RGCC: variants seen among roughly 807,000 people sequenced by gnomAD.
RGCC encodes the protein regulator of cell cycle.
Under a neutral mutation model 15.4 loss-of-function variants are expected in RGCC, and 15 were observed. The ratio of observed to expected loss-of-function variants is 0.97; its 90% CI spans 0.65 to 1.50. The LOEUF (loss-of-function observed/expected upper bound fraction) is 1.50, where lower values mean the gene tolerates loss of function less well. RGCC is among the 40% of genes most tolerant of loss of function. The pLI is 0.00. For missense variants in RGCC, 176 were observed against 189.7 expected, an observed-to-expected ratio of 0.93 and a Z score of 0.42; for synonymous variants, 81 against 78.0, an observed-to-expected ratio of 1.04 and a Z score of -0.20.
chr13:41,459,261 G>T (rs1190433584), intron 2 of RGCC, among the ~76,000 whole-genome samples: 1 of 152,092 alleles, frequency 6.6e-6, no homozygotes, highest in African/African-American at 2.4e-5. Context: ...AGCAAATTAG[G>T]TGCCTTTTTA....
rs1212088407 is a variant in RGCC at position 41,457,672 on chromosome 13, C to T, written c.-36C>T. 1 of 1,498,618 alleles carries T rather than the reference C, an allele frequency of 6.7e-7. No homozygotes were observed. Among genetic ancestry groups the T allele is most frequent in the Non-Finnish European group, 8.9e-7 (1 of 1,125,454 alleles). The allele number at this position is 1,498,618 out of a possible 1,614,324, so 92.8% of individuals were successfully genotyped here. A position where few individuals can be genotyped will look rare whatever the true frequency, so the allele number is the denominator to read the frequency against. On this transcript the variant is annotated 5_prime_UTR_variant, in exon 1 of 5. Transcript: ENST00000379359. The surrounding 1 kb of genome is among the most constrained non-coding windows in gnomAD (Gnocchi z 4.9). ...GCCCCGGCTGCCACCTCGCAGGACC[C>T]AAGGCCACGCGCGCCGGGCCCAGCT...
At chr13:41,469,449 A>C (rs1442850655) in intron 4 of RGCC, among the ~76,000 whole-genome samples, 3 of 152,128 alleles carry the variant, frequency 2.0e-5, no homozygotes, top group Admixed American at 6.6e-5. Context: ...TTTGTTTGAG[A>C]AATGGAGAGC....
intron 4 of RGCC, 57 bp downstream of exon 4, chr13:41,468,895 A>T: frequency 3.9e-6 from 5 of 1,279,498 alleles, no homozygotes; most frequent in Non-Finnish European, 4.5e-6. Context: ...GACACTTCTG[A>T]TAAAGTGTTG....
At position 41,468,767 on chromosome 13, in the gene RGCC, G is replaced by T. The variant is rs1003770541; in HGVS notation, c.344-9G>T. ...CTCTCTCTCTCTCTCTCCCTCTCCTGTTTCACAGCTAAATTAGGAGACACA... is the reference window on the plus strand; with the variant it reads ...CTCTCTCTCTCTCTCTCCCTCTCCTTTTTCACAGCTAAATTAGGAGACACA... On this transcript the variant is annotated splice_polypyrimidine_tract_variant and intron_variant, in intron 3 of 4. Coordinates refer to ENST00000379359, the MANE Select transcript of RGCC (RefSeq NM_014059.3). 1.9e-6 allele frequency: 3 copies of T among 1,600,724 alleles called. No homozygotes were observed. The highest frequency in any genetic ancestry group is 1.7e-6 in the Non-Finnish European group (2 of 1,174,270).
Position 41,468,757 on chromosome 13 carries a change from TCC to T in RGCC, c.344-17_344-16del, listed in dbSNP as rs2139578572. On this transcript the variant is annotated splice_polypyrimidine_tract_variant and intron_variant, in intron 3 of 4. Coordinates refer to ENST00000379359, the MANE Select transcript of RGCC (RefSeq NM_014059.3). Reference sequence around the variant, plus strand: ...ACTGAACTCTCTCTCTCTCTCTCTCTCCCTCTCCTGTTTCACAGCTAAATTAG... The same window carrying T: ...ACTGAACTCTCTCTCTCTCTCTCTCTCTCTCCTGTTTCACAGCTAAATTAG... 16 of 1,567,902 alleles carry T rather than the reference TCC, an allele frequency of 1.0e-5. No individual in the cohort carries two copies. The highest frequency in any genetic ancestry group is 1.4e-5 in the Non-Finnish European group (16 of 1,145,696).
At position 41,458,490 on chromosome 13, in the gene RGCC, G is replaced by C; in HGVS notation, c.235+20G>C. The stretch of plus-strand genomic sequence containing the variant: ...CGGAGAGTAAGTGCGGCCCCCGCTA[G>C]GATGGCGCCGGGATCTCCCAGCTCC... On this transcript the variant is annotated intron_variant, in intron 2 of 4. Transcript: ENST00000379359. The surrounding 1 kb of genome is among the most constrained non-coding windows in gnomAD (Gnocchi z 4.4). 4 of 1,581,006 alleles carry C rather than the reference G, an allele frequency of 2.5e-6. No individual in the cohort carries two copies. The highest frequency in any genetic ancestry group is 1.1e-5 in the South Asian group (1 of 87,964).
chr13:41,465,805 G>A (rs549520930), intron 2 of RGCC, among the ~76,000 whole-genome samples: 54 of 152,208 alleles, frequency 3.5e-4, no homozygotes, highest in Admixed American at 8.5e-4. Flanking sequence ...GTAAAAGAGA[G>A]GATTATTAAA....
chr13:41,467,570 A>G (rs986282602), intron 3 of RGCC, among the ~76,000 whole-genome samples: 1 of 152,238 alleles, frequency 6.6e-6, no homozygotes, highest in Non-Finnish European at 1.5e-5. Context: ...TGAAAACAAA[A>G]GGAGCTTTTT....
chr13:41,459,503 G>A lies in RGCC; in HGVS notation c.235+1033G>A, dbSNP rs113238957. On this transcript the variant is annotated intron_variant, in intron 2 of 4. Transcript: ENST00000379359. Reference sequence around the variant, plus strand: ...CTTCCTTGTTCCTGGGCTAAGATTCGGGGCTAGACATGAACATGAGCTGCC... The same window carrying A: ...CTTCCTTGTTCCTGGGCTAAGATTCAGGGCTAGACATGAACATGAGCTGCC... 4.3e-3 allele frequency among the ~76,000 whole-genome samples: 653 copies of A among 152,188 alleles called. 1 individual carries two copies. Among genetic ancestry groups the A allele is most frequent in the African/African-American group, 0.015 (604 of 41,510 alleles).
intron 2 of RGCC, among the ~76,000 whole-genome samples, chr13:41,459,363 C>A (rs1198389165): frequency 6.6e-6 from 1 of 152,214 alleles, no homozygotes; most frequent in Non-Finnish European, 1.5e-5. Context: ...TATTCTTCAG[C>A]CTTTAATCCT....
chr13:41,465,836 A>C (rs904297347), intron 2 of RGCC, among the ~76,000 whole-genome samples: 5 of 152,180 alleles, frequency 3.3e-5, no homozygotes, highest in African/African-American at 1.2e-4. Flanking sequence ...GCAAGAGAGC[A>C]AAGATCTCTC....
chr13:41,457,716 GC>G lies in RGCC; in HGVS notation c.12del (p.Ala5ArgfsTer56). 1.4e-6 allele frequency: 2 copies of G among 1,476,752 alleles called. No homozygotes were observed. The highest frequency in any genetic ancestry group is 1.8e-6 in the Non-Finnish European group (2 of 1,115,158). The allele number at this position is 1,476,752 out of a possible 1,614,324, so 91.5% of individuals were successfully genotyped here. A position where few individuals can be genotyped will look rare whatever the true frequency, so the allele number is the denominator to read the frequency against. On this transcript the variant is annotated frameshift_variant, in exon 1 of 5. Transcript: ENST00000379359. LOFTEE classifies it high-confidence loss of function. The surrounding 1 kb of genome is among the most constrained non-coding windows in gnomAD (Gnocchi z 4.9). MKP[P>X]AAQGSPAAAA... ...CCCAGCTGAGCCGCCTCATGAAGCC[GC>G]CCGCGGCGCAGGGCAGCCCCGCGGC...
chr13:41,469,794 A>G (rs534175588), intron 4 of RGCC, among the ~76,000 whole-genome samples: 2 of 152,328 alleles, frequency 1.3e-5, no homozygotes, highest in South Asian at 4.1e-4. Flanking sequence ...AACTGAAGAC[A>G]TCAAATTATA....
chr13:41,466,779 C>A, intron 2 of RGCC, 44 bp from the exon 3 acceptor site: 1 of 1,315,658 alleles, frequency 7.6e-7, no homozygotes, highest in Non-Finnish European at 1.1e-6. Context: ...AGTCTATAAT[C>A]TCATGAGTAC....
chr13:41,462,729 A>G (rs2043827972), intron 2 of RGCC, among the ~76,000 whole-genome samples: 1 of 152,246 alleles, frequency 6.6e-6, no homozygotes, highest in Non-Finnish European at 1.5e-5. Flanking sequence ...CAAGGAATAG[A>G]GTTCCAGGGG....
chr13:41,464,836 C>G lies in RGCC; in HGVS notation c.236-1987C>G, dbSNP rs1370032271. On this transcript the variant is annotated intron_variant, in intron 2 of 4. Coordinates refer to ENST00000379359, the MANE Select transcript of RGCC (RefSeq NM_014059.3). ...ATTTCAGGTGAGCTGGGCTGGACCT[C>G]TGAAGGAAGCAAAGATTGTGAGGGT... Among the ~76,000 whole-genome samples the G allele has an allele frequency of 2.0e-5, 3 of 152,148 alleles. No homozygotes were observed. In the East Asian group the frequency reaches 5.8e-4, roughly 29 times the overall value.
At chr13:41,461,930 A>G (rs7999748) in intron 2 of RGCC, among the ~76,000 whole-genome samples, 143,499 of 152,316 alleles carry the variant, frequency 0.94, 68,156 homozygotes, top group East Asian at 1. Flanking sequence ...TGGGTAATGG[A>G]TCTTGTGATG....
At position 41,468,845 on chromosome 13, in the gene RGCC, A is replaced by T; in HGVS notation, c.406+7A>T. On this transcript the variant is annotated splice_region_variant and intron_variant, in intron 4 of 4. Transcript: ENST00000379359. ...CTTGACAAAACTTTAGCAAGTAAGT[A>T]CATGTCTGATATTAAAAACAAAAAA... 1 of 1,590,440 alleles carries T rather than the reference A, an allele frequency of 6.3e-7. No individual in the cohort carries two copies. The highest frequency in any genetic ancestry group is 2.2e-5 in the East Asian group (1 of 44,798).
At chr13:41,465,552 T>C (rs2139576554) in intron 2 of RGCC, among the ~76,000 whole-genome samples, 1 of 151,402 alleles carries the variant, frequency 6.6e-6, no homozygotes, top group African/African-American at 2.4e-5. Flanking sequence ...GGCCCAGAGA[T>C]GTACTAGCTC....
Sources: allele counts gnomAD v4.1 joint callset (sites outside exome capture counted in the v4.1 genomes callset), GRCh38; gene constraint gnomAD v4.1.1; non-coding constraint Gnocchi (gnomAD v3.1); transcripts MANE v1.5; gene names NCBI Gene and HGNC (gene_info 2026-07-23, HGNC 2026-07-21).